The following MRPL14 variants were observed in gnomAD, a reference collection of about 807,000 sequenced individuals.
MRPL14 encodes mitochondrial ribosomal protein L14.
MRPL14 carries 8 observed loss-of-function variants against 10.9 expected under a neutral mutation model. The observed-to-expected ratio is 0.74, with a 90% CI of 0.43 to 1.33. MRPL14 has a LOEUF of 1.33. Ranked by LOEUF, MRPL14 falls within the 40% of genes most tolerant of loss-of-function variation. The pLI is 0.01. For missense variants in MRPL14, 179 were observed against 194.5 expected, an observed-to-expected ratio of 0.92 and a Z score of 0.47; for synonymous variants, 82 against 74.1, an observed-to-expected ratio of 1.11 and a Z score of -0.54.
chr6:44,126,669 A>G (rs1777093581), intron 1 of MRPL14, among the ~76,000 whole-genome samples: 1 of 152,202 alleles, frequency 6.6e-6, no homozygotes, highest in South Asian at 2.1e-4. Flanking sequence ...TGTGGAAAGC[A>G]ATACTTCCTT....
chr6:44,125,338 T>C (rs1476121327), intron 1 of MRPL14, among the ~76,000 whole-genome samples: 1 of 152,182 alleles, frequency 6.6e-6, no homozygotes, highest in Admixed American at 6.5e-5. Context: ...AACTATACTT[T>C]TTGTAAAAAA....
At chr6:44,117,230 T>C (rs373685205) in intron 1 of MRPL14, among the ~76,000 whole-genome samples, 1 of 134,786 alleles carries the variant, frequency 7.4e-6, no homozygotes, top group Non-Finnish European at 1.6e-5. Flanking sequence ...TCCCAAACAC[T>C]GTAACATGGA....
At chr6:44,118,244 C>T (rs1352067861) in intron 1 of MRPL14, among the ~76,000 whole-genome samples, 1 of 145,194 alleles carries the variant, frequency 6.9e-6, no homozygotes, top group Non-Finnish European at 1.6e-5. Flanking sequence ...CTTTGGTTTA[C>T]CATCTGTAAC....
intron 1 of MRPL14, among the ~76,000 whole-genome samples, chr6:44,120,733 C>A (rs999466969): frequency 3.3e-5 from 5 of 152,156 alleles, no homozygotes; most frequent in African/African-American, 1.2e-4. Flanking sequence ...AGTAGGAGTG[C>A]AATAAATACT....
chr6:44,114,419 G>A (rs1206328295), intron 2 of MRPL14, among the ~76,000 whole-genome samples: 1 of 152,208 alleles, frequency 6.6e-6, no homozygotes, highest in Non-Finnish European at 1.5e-5. Context: ...TTCTGCTGTT[G>A]TGTCAAGGTC....
At chr6:44,114,631 C>G (rs961828280) in intron 2 of MRPL14, among the ~76,000 whole-genome samples, 2 of 151,964 alleles carry the variant, frequency 1.3e-5, no homozygotes, top group African/African-American at 4.8e-5. Context: ...TTTTTTGAGA[C>G]GGAGTCTCGC....
At chr6:44,114,289 G>A in intron 2 of MRPL14, 80 bp from the exon 3 acceptor site, 2 of 1,487,126 alleles carry the variant, frequency 1.3e-6, no homozygotes, top group East Asian at 4.6e-5. Flanking sequence ...GTCAAGGCTA[G>A]GGAGAATGTA....
chr6:44,122,479 A>C (rs527908517), intron 1 of MRPL14, among the ~76,000 whole-genome samples: 1 of 152,322 alleles, frequency 6.6e-6, no homozygotes, highest in African/African-American at 2.4e-5. Context: ...CCATTACTTT[A>C]AGTTTTGAGG....
intron 1 of MRPL14, 133 bp from the exon 2 acceptor site, chr6:44,116,762 G>A (rs1479336788): frequency 4.6e-6 from 3 of 646,212 alleles, no homozygotes; most frequent in Non-Finnish European, 8.4e-6. Flanking sequence ...AATCTTAGTG[G>A]TTAAAGGATA....
intron 1 of MRPL14, among the ~76,000 whole-genome samples, chr6:44,122,936 ACT>A (rs1776595610): frequency 6.6e-6 from 1 of 152,212 alleles, no homozygotes; most frequent in African/African-American, 2.4e-5. Flanking sequence ...ACCAATAAGT[ACT>A]TTCATTTGTT....
At position 44,113,740 on chromosome 6, in the gene MRPL14, G is replaced by A; in HGVS notation, c.*103C>T. On this transcript the variant is annotated 3_prime_UTR_variant, in exon 3 of 3. Transcript: ENST00000372014. The stretch of plus-strand genomic sequence containing the variant: ...TCACAGGATACTACACTGTTACCCA[G>A]TGTGAAGGGAGCAGCCATGTGGCTC... 8.1e-7 allele frequency: 1 copy of A among 1,231,496 alleles called. No individual in the cohort carries two copies. Among genetic ancestry groups the A allele is most frequent in the Non-Finnish European group, 1.1e-6 (1 of 884,406 alleles). 76.3% of individuals were successfully genotyped at this position (1,231,496 alleles called of 1,614,324 possible).
intron 1 of MRPL14, among the ~76,000 whole-genome samples, chr6:44,124,346 G>T (rs1776732106): frequency 6.6e-6 from 1 of 152,134 alleles, no homozygotes; most frequent in Non-Finnish European, 1.5e-5. Context: ...GATCATATTG[G>T]GAAAAGCAAA....
At chr6:44,117,867 G>A (rs1438761146) in intron 1 of MRPL14, among the ~76,000 whole-genome samples, 2 of 17,150 alleles carry the variant, frequency 1.2e-4, no homozygotes, top group African/African-American at 3.7e-4. Flanking sequence ...TTTTTTTTTT[G>A]TAGAGATGAT....
At chr6:44,124,099 CAT>C (rs1776703205) in intron 1 of MRPL14, among the ~76,000 whole-genome samples, 1 of 152,178 alleles carries the variant, frequency 6.6e-6, no homozygotes, top group African/African-American at 2.4e-5. Context: ...TCTACTGAAT[CAT>C]ATACATAATT....
At chr6:44,125,734 T>C (rs1322108856) in intron 1 of MRPL14, among the ~76,000 whole-genome samples, 6 of 151,196 alleles carry the variant, frequency 4.0e-5, no homozygotes. Context: ...TGGCTTCCAC[T>C]TCCATTTTTC....
At chr6:44,123,965 T>C (rs1562101668) in intron 1 of MRPL14, among the ~76,000 whole-genome samples, 1 of 151,708 alleles carries the variant, frequency 6.6e-6, no homozygotes, top group Non-Finnish European at 1.5e-5. Flanking sequence ...TTTTATCTAC[T>C]CCAGTTTTGC....
chr6:44,116,277 G>GT (rs1398306352), intron 2 of MRPL14, among the ~76,000 whole-genome samples: 2 of 152,218 alleles, frequency 1.3e-5, no homozygotes, highest in South Asian at 2.1e-4. Flanking sequence ...CAGATTCACT[G>GT]TAAGAGTCTT....
Position 44,114,170 on chromosome 6 carries a change from C to T in MRPL14, c.111G>A (p.Arg37=), listed in dbSNP as rs1408061908. ...GSLSAIQKMT[R]VRVVDNSALG... ...GGGCACTGTTGTCCACCACTCGTAC[C>T]CGCGTCATCTTCTGAATCGCACTCA... Residue 37 remains arginine, a synonymous_variant, in exon 3 of 3, where the codon CGG becomes CGA. Transcript: ENST00000372014. 6.2e-7 allele frequency: 1 copy of T among 1,613,318 alleles called. No individual in the cohort carries two copies. The highest frequency in any genetic ancestry group is 8.5e-7 in the Non-Finnish European group (1 of 1,179,394).
intron 2 of MRPL14, among the ~76,000 whole-genome samples, chr6:44,115,927 A>G (rs1424231881): frequency 6.6e-6 from 1 of 152,084 alleles, no homozygotes; most frequent in African/African-American, 2.4e-5. Flanking sequence ...ATTCTATCAC[A>G]TTTTCTTAGA....
Sources: allele counts gnomAD v4.1 joint callset (sites outside exome capture counted in the v4.1 genomes callset), GRCh38; gene constraint gnomAD v4.1.1; transcripts MANE v1.5; gene names NCBI Gene and HGNC (gene_info 2026-07-23, HGNC 2026-07-21).